Variants in GRIK2 observed in about 807,000 individuals in gnomAD.
GRIK2 encodes the protein glutamate receptor ionotropic, kainate 2.
Under a neutral mutation model 100.3 loss-of-function variants are expected in GRIK2, and 32 were observed. The observed-to-expected ratio is 0.32, with a 90% confidence interval of 0.24 to 0.43. The LOEUF (loss-of-function observed/expected upper bound fraction) is 0.43, where lower values mean the gene tolerates loss of function less well. Among genes scored for constraint, GRIK2 ranks in the 20% least tolerant of loss-of-function variants. The pLI is 1.00. For synonymous variants in GRIK2, 417 were observed against 389.4 expected (o/e 1.07, Z -0.83); for missense variants, 843 against 1,114.9 (o/e 0.76, Z 3.47).
intron 6 of GRIK2, among the ~76,000 whole-genome samples, chr6:101,685,215 C>T (rs576827146): frequency 1.3e-5 from 2 of 152,254 alleles, no homozygotes; most frequent in South Asian, 4.1e-4. Flanking sequence ...TTCCTATCTC[C>T]TTGGCTAGAT....
At chr6:102,051,270 TTCCTTCCTTCC>T (rs1562140334) in intron 15 of GRIK2, among the ~76,000 whole-genome samples, 1 of 145,604 alleles carries the variant, frequency 6.9e-6, no homozygotes, top group East Asian at 2.1e-4. Flanking sequence ...CCTTCCTTCC[TTCCTTCCTTCC>T]TTCCTTCCTT....
chr6:101,966,274 A>G (rs1792669498), intron 14 of GRIK2, among the ~76,000 whole-genome samples: 1 of 152,280 alleles, frequency 6.6e-6, no homozygotes, highest in South Asian at 2.1e-4. Context: ...AAATATGTCA[A>G]CAGATAATTG....
chr6:101,760,601 T>C (rs1465688347), intron 7 of GRIK2, among the ~76,000 whole-genome samples: 1 of 98,882 alleles, frequency 1.0e-5, no homozygotes, highest in Non-Finnish European at 1.8e-5. Flanking sequence ...TATATAATTA[T>C]ATATAATTAT....
At chr6:101,524,961 G>A (rs892570830) in intron 2 of GRIK2, among the ~76,000 whole-genome samples, 2 of 152,034 alleles carry the variant, frequency 1.3e-5, no homozygotes, top group East Asian at 1.9e-4. Flanking sequence ...TCGAACTCCT[G>A]ACTTCAGGCG....
At chr6:101,868,595 T>C (rs1361173113) in intron 11 of GRIK2, among the ~76,000 whole-genome samples, 1 of 151,344 alleles carries the variant, frequency 6.6e-6, no homozygotes, top group East Asian at 1.9e-4. Context: ...AAAGGTGATA[T>C]TTTCTTTAGA....
intron 2 of GRIK2, among the ~76,000 whole-genome samples, chr6:101,535,430 T>G (rs565624769): frequency 1.3e-5 from 2 of 151,820 alleles, no homozygotes; most frequent in Non-Finnish European, 1.5e-5. Flanking sequence ...CCATGTTAGA[T>G]AACTTTTTGT....
At chr6:101,689,848 G>A (rs143426246) in intron 7 of GRIK2, among the ~76,000 whole-genome samples, 6 of 152,188 alleles carry the variant, frequency 3.9e-5, no homozygotes, top group East Asian at 3.9e-4. Context: ...TCTGCATTCT[G>A]TATTGTGTTC....
chr6:101,549,350 G>C lies in GRIK2; in HGVS notation c.116-72599G>C, dbSNP rs887042698. On this transcript the variant is annotated intron_variant, in intron 2 of 16. Coordinates refer to ENST00000369134, the MANE Select transcript of GRIK2 (RefSeq NM_021956.5). ...CAGCCTGGTAGGGTGGGAGGAGAAG[G>C]CTTGGCATTTCACGGAGACAGATGC... 7.9e-5 allele frequency among the ~76,000 whole-genome samples: 12 copies of C among 151,682 alleles called. No individual in the cohort carries two copies. In the South Asian group the frequency reaches 2.5e-3, roughly 32 times the overall value.
At chr6:101,752,090 C>A (rs183162831) in intron 7 of GRIK2, among the ~76,000 whole-genome samples, 1 of 152,176 alleles carries the variant, frequency 6.6e-6, no homozygotes, top group African/African-American at 2.4e-5. Context: ...TTATTTACCA[C>A]TTTTCAAAAT....
chr6:101,854,599 T>C (rs1386982030), intron 10 of GRIK2, among the ~76,000 whole-genome samples: 1 of 152,110 alleles, frequency 6.6e-6, no homozygotes, highest in Non-Finnish European at 1.5e-5. Flanking sequence ...TGAAAAATTA[T>C]TGGGAAGCTG....
intron 7 of GRIK2, among the ~76,000 whole-genome samples, chr6:101,788,618 C>T (rs2128406129): frequency 6.6e-6 from 1 of 152,228 alleles, no homozygotes; most frequent in South Asian, 2.1e-4. Flanking sequence ...CATTGTTGGA[C>T]ATTTGGGTTG....
chr6:101,751,099 C>G (rs1026351108), intron 7 of GRIK2, among the ~76,000 whole-genome samples: 2 of 151,982 alleles, frequency 1.3e-5, no homozygotes, highest in African/African-American at 4.8e-5. Flanking sequence ...ATTTATGTAT[C>G]TATTTCTTCT....
At chr6:102,067,162 T>G (rs1482812417) in intron 16 of GRIK2, among the ~76,000 whole-genome samples, 1 of 151,756 alleles carries the variant, frequency 6.6e-6, no homozygotes, top group Non-Finnish European at 1.5e-5. Context: ...GTATATATCA[T>G]ATATAACGTG....
intron 7 of GRIK2, among the ~76,000 whole-genome samples, chr6:101,758,551 G>A (rs993597268): frequency 6.6e-6 from 1 of 152,142 alleles, no homozygotes; most frequent in Admixed American, 6.5e-5. Flanking sequence ...TTGTTTAATT[G>A]TGCCCCAGGG....
chr6:101,838,824 TG>T (rs1163826196), intron 10 of GRIK2, among the ~76,000 whole-genome samples: 7 of 152,004 alleles, frequency 4.6e-5, no homozygotes, highest in Non-Finnish European at 7.4e-5. Flanking sequence ...GCTAATTTTT[TG>T]TATTTTTAGT....
At chr6:102,027,370 A>G (rs1021929724) in intron 14 of GRIK2, among the ~76,000 whole-genome samples, 1 of 151,152 alleles carries the variant, frequency 6.6e-6, no homozygotes, top group African/African-American at 2.4e-5. Flanking sequence ...TTATTTATAA[A>G]TGTCTGTTTA....
rs1027318742 is a variant in GRIK2 at position 101,476,536 on chromosome 6, G to GT, written c.115+77151dup. 3.9e-5 allele frequency among the ~76,000 whole-genome samples: 6 copies of GT among 151,938 alleles called. No homozygotes were observed. In the East Asian group the frequency reaches 5.8e-4, roughly 15 times the overall value. On this transcript the variant is annotated intron_variant, in intron 2 of 16. Transcript: ENST00000369134. ...GAGCATCATAAGTGTATGATTTTAG[G>GT]TTTTTTTCCCATTTATAAAATGTGA... is the stretch of plus-strand genomic sequence containing the variant.
chr6:101,962,213 T>C (rs958216389), intron 14 of GRIK2, among the ~76,000 whole-genome samples: 2 of 152,078 alleles, frequency 1.3e-5, no homozygotes, highest in African/African-American at 4.8e-5. Flanking sequence ...CTTTTTCCCA[T>C]GGGTTCTTTA....
chr6:101,667,716 G>C (rs145446428), intron 4 of GRIK2, among the ~76,000 whole-genome samples: 1 of 152,218 alleles, frequency 6.6e-6, no homozygotes, highest in African/African-American at 2.4e-5. Context: ...GTTACAAAGC[G>C]TGGAAGGGCT....
Sources: gnomAD v4.1 joint callset for allele counts (sites outside exome capture counted in the v4.1 genomes callset) on GRCh38, gnomAD v4.1.1 for gene constraint, MANE v1.5 for transcripts, NCBI Gene and HGNC (gene_info 2026-07-23, HGNC 2026-07-21) for gene names.